GIMAP2: variants seen among roughly 807,000 people sequenced by gnomAD.
GIMAP2 encodes GTPase, IMAP family member 2.
A neutral mutation model predicts 25.5 loss-of-function variants in GIMAP2; 22 were observed. The observed-to-expected ratio is 0.86, with a 90% CI of 0.62 to 1.23. The LOEUF is 1.23. GIMAP2 is among the 50% of genes most tolerant of loss of function. The pLI, the probability that GIMAP2 is intolerant of heterozygous loss-of-function variation, is 0.00. For synonymous variants in GIMAP2, 167 were observed against 143.0 expected, an observed-to-expected ratio of 1.17 and a Z score of -1.20; for missense variants, 422 against 395.7, an observed-to-expected ratio of 1.07 and a Z score of -0.56.
In GIMAP2 at chr7:150,692,953, C is replaced by G; in HGVS notation, c.667C>G (p.Gln223Glu). Reference sequence around the variant, plus strand: ...TACCAATGGGTTGTACAGCCTAATACAGAGGTCTAAATGTGGACCTGTGGG... The same window carrying G: ...TACCAATGGGTTGTACAGCCTAATAGAGAGGTCTAAATGTGGACCTGTGGG... ...HYTNGLYSLIQRSKCGPVGSD... is the reference protein window; with the variant it reads ...HYTNGLYSLIERSKCGPVGSD... Residue 223 changes from glutamine to glutamate, a missense_variant, in exon 3 of 3, where the codon CAG (glutamine) becomes GAG (glutamate). Physicochemically the swap from Gln to Glu is conservative, Grantham distance 29 (BLOSUM62 2). Coordinates refer to ENST00000223293, the MANE Select transcript of GIMAP2 (RefSeq NM_015660.3). 1 of 1,614,012 alleles carries G rather than the reference C, an allele frequency of 6.2e-7. No individual in the cohort carries two copies. Among genetic ancestry groups the G allele is most frequent in the Non-Finnish European group, 8.5e-7 (1 of 1,179,922 alleles).
rs377465388 is a variant in GIMAP2 at position 150,687,042 on chromosome 7, T to C, written c.-8-10T>C. ...CTGAAAAATAAGTTTCTTGTCTCTCTGTTTCTCAGGAACACCAATGGACCA... is the reference window on the plus strand; with the variant it reads ...CTGAAAAATAAGTTTCTTGTCTCTCCGTTTCTCAGGAACACCAATGGACCA... On this transcript the variant is annotated splice_polypyrimidine_tract_variant and intron_variant, in intron 1 of 2. Coordinates refer to ENST00000223293, the MANE Select transcript of GIMAP2 (RefSeq NM_015660.3). 72 of 1,596,804 alleles carry C rather than the reference T, an allele frequency of 4.5e-5. No individual in the cohort carries two copies. The highest frequency in any genetic ancestry group is 2.2e-5 in the South Asian group (2 of 90,692).
rs1218271465 is a variant in GIMAP2, at chr7:150,687,050, A to T, written c.-8-2A>T. 1 of 1,604,638 alleles carries T rather than the reference A, an allele frequency of 6.2e-7. No homozygotes were observed. Among genetic ancestry groups the T allele is most frequent in the Non-Finnish European group, 8.5e-7 (1 of 1,172,310 alleles). On this transcript the variant is annotated splice_acceptor_variant, in intron 1 of 2. Transcript: ENST00000223293. LOFTEE classifies it low-confidence loss of function (5UTR_SPLICE). ...TAAGTTTCTTGTCTCTCTGTTTCTC[A>T]GGAACACCAATGGACCAAAATGAAC...
intron 2 of GIMAP2, chr7:150,689,527 A>G: frequency 1.0e-5 from 7 of 703,132 alleles, no homozygotes; most frequent in Non-Finnish European, 7.8e-6. Flanking sequence ...GCTGCCTCTA[A>G]GCAAGCTCCA....
At chr7:150,691,364 C>A (rs966332027) in intron 2 of GIMAP2, among the ~76,000 whole-genome samples, 2 of 152,158 alleles carry the variant, frequency 1.3e-5, no homozygotes, top group Non-Finnish European at 2.9e-5. Flanking sequence ...CTCCTTCATA[C>A]CTCTGTCCCC....
chr7:150,693,515 T>C lies in GIMAP2; in HGVS notation c.*215T>C. The C allele has an allele frequency of 2.3e-6, 1 of 431,772 alleles. No homozygotes were observed. Among genetic ancestry groups the C allele is most frequent in the Non-Finnish European group, 4.1e-6 (1 of 245,174 alleles). The allele number at this position is 431,772 out of a possible 1,614,324, so 26.7% of individuals were successfully genotyped here. ...CTTTTGAAATCTGTAAACATAAAAT[T>C]CCTCTCATTTTCAAATATCTAAAGC... On this transcript the variant is annotated 3_prime_UTR_variant, in exon 3 of 3. Transcript: ENST00000223293.
intron 2 of GIMAP2, among the ~76,000 whole-genome samples, chr7:150,689,250 T>A (rs925016877): frequency 6.6e-6 from 1 of 152,228 alleles, no homozygotes; most frequent in Non-Finnish European, 1.5e-5. Flanking sequence ...GCTTACCAGT[T>A]TCTGTCATTC....
intron 2 of GIMAP2, among the ~76,000 whole-genome samples, chr7:150,690,235 T>TCCCAGGG (rs1796950685): frequency 6.6e-6 from 1 of 152,096 alleles, no homozygotes; most frequent in Non-Finnish European, 1.5e-5. Context: ...CTATAACTGC[T>TCCCAGGG]CAAGATGCCA....
In GIMAP2 at chr7:150,693,024, C is replaced by T; in HGVS notation, c.738C>T (p.Tyr246=). The change falls in exon 3 of 3, where the codon TAC becomes TAT. Residue 246 remains tyrosine, a synonymous_variant. Transcript: ENST00000223293. ...AATTCAAACAGAGCCTTATAAAGTA[C>T]ATGGAAACTCAAAGAAGTTACACAG... ...VKEFKQSLIK[Y]METQRSYTAL... is the part of the protein sequence containing the mutation. 6.2e-7 allele frequency: 1 copy of T among 1,614,124 alleles called. No homozygotes were observed. The highest frequency in any genetic ancestry group is 8.5e-7 in the Non-Finnish European group (1 of 1,179,970).
intron 2 of GIMAP2, among the ~76,000 whole-genome samples, chr7:150,687,929 A>C (rs1314139940): frequency 6.6e-6 from 1 of 151,862 alleles, no homozygotes; most frequent in Non-Finnish European, 1.5e-5. Context: ...TCAGTCTCTT[A>C]CATCAAGAAG....
chr7:150,687,249 G>A, intron 2 of GIMAP2, 162 bp downstream of exon 2: 1 of 570,654 alleles, frequency 1.8e-6, no homozygotes, highest in Non-Finnish European at 3.1e-6. Flanking sequence ...TGAAAATTGT[G>A]GGGTTTTGTT....
At chr7:150,687,976 C>T (rs865899438) in intron 2 of GIMAP2, among the ~76,000 whole-genome samples, 1 of 152,206 alleles carries the variant, frequency 6.6e-6, no homozygotes, top group African/African-American at 2.4e-5. Flanking sequence ...TGCCTTCACA[C>T]TCAACCCTCA....
chr7:150,693,230 T>C lies in GIMAP2; in HGVS notation c.944T>C (p.Ile315Thr). 6.2e-7 allele frequency: 1 copy of C among 1,606,110 alleles called. No individual in the cohort carries two copies. Among genetic ancestry groups the C allele is most frequent in the Non-Finnish European group, 8.5e-7 (1 of 1,176,952 alleles). ...MCNLFCSLLF[I>T]IPKKLMIFLR... ...AATTTATTCTGCAGTTTGCTGTTTATTATACCCAAAAAGTTAATGATATTT... is the reference window on the plus strand; with the variant it reads ...AATTTATTCTGCAGTTTGCTGTTTACTATACCCAAAAAGTTAATGATATTT... Residue 315 changes from isoleucine (I) to threonine (T), a missense_variant, in exon 3 of 3, where the codon ATT becomes ACT. Coordinates refer to ENST00000223293, the MANE Select transcript of GIMAP2 (RefSeq NM_015660.3).
At chr7:150,692,275 G>A (rs371237428) in intron 2 of GIMAP2, 40 bp from the exon 3 acceptor site, 77 of 1,566,752 alleles carry the variant, frequency 4.9e-5, no homozygotes, top group Non-Finnish European at 5.4e-5. Context: ...CCACTGCCGT[G>A]ATCAGTGTAG....
chr7:150,687,121 T>C (rs773230917), intron 2 of GIMAP2, 34 bp downstream of exon 2: 32 of 923,424 alleles, frequency 3.5e-5, no homozygotes, highest in African/African-American at 3.1e-4. Context: ...TGTGTGTGTG[T>C]GTGTGTGTGT....
chr7:150,685,775 C>A lies in GIMAP2; in HGVS notation c.-19C>A. ...ACAGGGAGCCAACTGTTTCTTTGAA[C>A]AGTAAATCAGGTAAGCCCAGATTTA... On this transcript the variant is annotated 5_prime_UTR_variant, in exon 1 of 3. Transcript: ENST00000223293. The A allele has an allele frequency of 1.0e-6, 1 of 978,860 alleles. No individual in the cohort carries two copies. Among genetic ancestry groups the A allele is most frequent in the Non-Finnish European group, 1.2e-6 (1 of 823,914 alleles). The allele number at this position is 978,860 out of a possible 1,614,324, so 60.6% of individuals were successfully genotyped here.
chr7:150,688,391 A>G (rs1796927480), intron 2 of GIMAP2, among the ~76,000 whole-genome samples: 1 of 152,172 alleles, frequency 6.6e-6, no homozygotes, highest in African/African-American at 2.4e-5. Flanking sequence ...TCAGCCTCCC[A>G]AAGTGCTGGG....
Position 150,692,500 on chromosome 7 carries a change from G to C in GIMAP2, c.214G>C (p.Glu72Gln). The C allele has an allele frequency of 6.2e-7, 1 of 1,614,172 alleles. No homozygotes were observed. Among genetic ancestry groups the C allele is most frequent in the Non-Finnish European group, 8.5e-7 (1 of 1,179,998 alleles). The part of the protein sequence containing the change: ...SKSQGSWGNR[E>Q]IVIIDTPDMF... ...AAGTCAGGGAAGCTGGGGAAATAGAGAGATTGTCATTATTGACACACCAGA... is the reference window on the plus strand; with the variant it reads ...AAGTCAGGGAAGCTGGGGAAATAGACAGATTGTCATTATTGACACACCAGA... The change falls in exon 3 of 3, where the codon GAG becomes CAG. Residue 72 changes from glutamate (E) to glutamine (Q), a missense_variant. By Grantham distance (29) the Glu-to-Gln change is conservative. Coordinates refer to ENST00000223293, the MANE Select transcript of GIMAP2 (RefSeq NM_015660.3).
intron 2 of GIMAP2, among the ~76,000 whole-genome samples, chr7:150,691,996 G>A (rs934316153): frequency 5.3e-5 from 8 of 151,984 alleles, no homozygotes; most frequent in Non-Finnish European, 1.2e-4. Context: ...TTGGGAGGCC[G>A]AGGCGGGCGG....
chr7:150,688,953 C>T (rs538482769), intron 2 of GIMAP2, among the ~76,000 whole-genome samples: 47 of 152,316 alleles, frequency 3.1e-4, no homozygotes, highest in Admixed American at 1.4e-3. Context: ...AATTGCACTC[C>T]GCTTGCCATA....
Sources: gnomAD v4.1 joint callset for allele counts (sites outside exome capture counted in the v4.1 genomes callset) on GRCh38, gnomAD v4.1.1 for gene constraint, MANE v1.5 for transcripts, NCBI Gene and HGNC (gene_info 2026-07-23, HGNC 2026-07-21) for gene names.